The following ZNF16 variants were observed in gnomAD, a reference collection of about 807,000 sequenced individuals.
The protein encoded by ZNF16 is zinc finger protein KOX9.
Under a neutral mutation model 9.0 loss-of-function variants are expected in ZNF16, and 7 were observed. The observed-to-expected ratio is 0.78, with a 90% CI of 0.44 to 1.47. ZNF16 has a LOEUF of 1.47. ZNF16 is among the 40% of genes most tolerant of loss of function. The pLI, the probability that ZNF16 is intolerant of heterozygous loss-of-function variation, is 0.01. For synonymous variants in ZNF16, 312 were observed against 301.5 expected (o/e 1.03, Z -0.36); for missense variants, 830 against 854.2 (o/e 0.97, Z 0.35).
chr8:144,945,779 T>C, intron 2 of ZNF16: 1 of 738,064 alleles, frequency 1.4e-6, no homozygotes, highest in Non-Finnish European at 2.0e-6. Flanking sequence ...CTGGTGGCCA[T>C]CATGTCATAC....
chr8:144,946,276 C>T, intron 1 of ZNF16, 61 bp from the exon 2 acceptor site: 1 of 1,384,364 alleles, frequency 7.2e-7, no homozygotes, highest in South Asian at 1.9e-5. Flanking sequence ...GATTCATCCT[C>T]CCATCAGGCC....
chr8:144,949,268 A>G (rs1834033073), intron 1 of ZNF16, among the ~76,000 whole-genome samples: 1 of 152,160 alleles, frequency 6.6e-6, no homozygotes, highest in Non-Finnish European at 1.5e-5. Context: ...CCTCCTCCAC[A>G]CGCAGAGCGA....
intron 1 of ZNF16, among the ~76,000 whole-genome samples, chr8:144,947,182 C>G (rs1376294953): frequency 7.1e-6 from 1 of 140,364 alleles, no homozygotes; most frequent in African/African-American, 2.9e-5. Context: ...GGCCTGTGTC[C>G]TGCTGTGGGC....
intron 2 of ZNF16, among the ~76,000 whole-genome samples, chr8:144,935,066 C>T (rs557216111): frequency 2.6e-5 from 4 of 151,964 alleles, no homozygotes; most frequent in Admixed American, 6.6e-5. Flanking sequence ...GAATTCTGTA[C>T]GTGAGAAGGG....
Position 144,930,923 on chromosome 8 carries a change from T to C in ZNF16, c.1864A>G (p.Ile622Val), listed in dbSNP as rs1318996182. 2 of 1,613,050 alleles carry C rather than the reference T, an allele frequency of 1.2e-6. No individual in the cohort carries two copies. Among genetic ancestry groups the C allele is most frequent in the Non-Finnish European group, 1.7e-6 (2 of 1,179,438 alleles). The change falls in exon 3 of 3, where the codon ATC (isoleucine) becomes GTC (valine). Residue 622 changes from isoleucine (I) to valine (V), a missense_variant. By Grantham distance (29) the Ile-to-Val change is conservative (BLOSUM62 3). Coordinates refer to ENST00000394909, the MANE Select transcript of ZNF16 (RefSeq NM_006958.3). ...QSSHLIQHQI[I>V]HTGERPYKCS... ...TTGTAGGGGCGCTCGCCCGTGTGGA[T>C]TATCTGATGCTGAATGAGGTGTGAG...
rs1159173640 is a variant in ZNF16, at chr8:144,932,419, C to A, written c.368G>T (p.Gly123Val). ...VSERDWGVPE[G>V]RRLPQSLSQE... Reference sequence around the variant, plus strand: ...GGAGAGGGACTGTGGCAGCCTCCTGCCTTCGGGGACTCCCCAGTCTCTTTC... The same window carrying A: ...GGAGAGGGACTGTGGCAGCCTCCTGACTTCGGGGACTCCCCAGTCTCTTTC... The change falls in exon 3 of 3, where the codon GGC becomes GTC. Residue 123 changes from glycine to valine, a missense_variant. Coordinates refer to ENST00000394909, the MANE Select transcript of ZNF16 (RefSeq NM_006958.3). The surrounding 1 kb of genome is among the most constrained non-coding windows in gnomAD (Gnocchi z 5.0). 2 of 1,614,200 alleles carry A rather than the reference C, an allele frequency of 1.2e-6. No individual in the cohort carries two copies. Among genetic ancestry groups the A allele is most frequent in the East Asian group, 4.5e-5 (2 of 44,880 alleles).
rs201974769 is a variant in ZNF16, at chr8:144,945,989, C to A, written c.196+22G>T. On this transcript the variant is annotated intron_variant, in intron 2 of 2. Transcript: ENST00000394909. ...CACTTCCCCAGAATAAGGGCACCAG[C>A]GGAGAACTGTTCTTAAAGTACCTGG... The A allele has an allele frequency of 6.8e-6, 11 of 1,612,380 alleles. No homozygotes were observed. The African/African-American group carries it at 1.2e-4, about 18-fold the overall frequency.
Position 144,930,907 on chromosome 8 carries a change from C to T in ZNF16, c.1880G>A (p.Arg627His), listed in dbSNP as rs374314171. ...IQHQIIHTGE[R>H]PYKCSECGKA... ...CCCACACTCACTGCATTTGTAGGGG[C>T]GCTCGCCCGTGTGGATTATCTGATG... Residue 627 changes from arginine (R) to histidine (H), a missense_variant, in exon 3 of 3, where the codon CGC becomes CAC. By Grantham distance (29) the Arg-to-His change is conservative (BLOSUM62 0). Coordinates refer to ENST00000394909, the MANE Select transcript of ZNF16 (RefSeq NM_006958.3). 2.4e-5 allele frequency: 38 copies of T among 1,608,106 alleles called. No individual in the cohort carries two copies. Among genetic ancestry groups the T allele is most frequent in the African/African-American group, 5.3e-5 (4 of 74,776 alleles).
rs1833494487 is a variant in ZNF16, at chr8:144,930,440, C to T, written c.*298G>A. 3.0e-6 allele frequency: 1 copy of T among 329,382 alleles called. No homozygotes were observed. Among genetic ancestry groups the T allele is most frequent in the African/African-American group, 2.1e-5 (1 of 47,182 alleles). 20.4% of individuals were successfully genotyped at this position (329,382 alleles called of 1,614,324 possible). A position where few individuals can be genotyped will look rare whatever the true frequency, so the allele number is the denominator to read the frequency against. On this transcript the variant is annotated 3_prime_UTR_variant, in exon 3 of 3. Transcript: ENST00000394909. ...GGTAACTTTTCATTATAATAATAAACTCTATTCATGAATATGCAGCCTCCA... is the reference window on the plus strand; with the variant it reads ...GGTAACTTTTCATTATAATAATAAATTCTATTCATGAATATGCAGCCTCCA...
At chr8:144,936,499 A>G (rs1833684938) in intron 2 of ZNF16, among the ~76,000 whole-genome samples, 1 of 152,160 alleles carries the variant, frequency 6.6e-6, no homozygotes, top group Admixed American at 6.5e-5. Context: ...GCCATTTTAC[A>G]TTCCAGCCAG....
rs777992805 is a variant in ZNF16, at chr8:144,931,178, G to A, written c.1609C>T (p.Arg537Ter). 1.2e-5 allele frequency: 20 copies of A among 1,603,166 alleles called. No homozygotes were observed. Among genetic ancestry groups the A allele is most frequent in the African/African-American group, 2.8e-5 (2 of 72,382 alleles). ...GRSSNLILHQ[R>*]VHTGEKPYEC... ...TAGGGCTTCTCTCCAGTGTGGACTC[G>A]CTGGTGAAGGATGAGGTTGGAGCTG... is the stretch of plus-strand genomic sequence containing the variant. The change falls in exon 3 of 3, where the codon CGA becomes TGA. Residue 537 changes from arginine (R) to a stop codon, truncating the protein, a stop_gained. Transcript: ENST00000394909. LOFTEE classifies it high-confidence loss of function.
chr8:144,946,176 C>T lies in ZNF16; in HGVS notation c.31G>A (p.Ala11Thr), dbSNP rs772030432. ...CCTGGAACTGAGAGCTCCATCTCTGCCTCCTCACGGCGAGTTCTGAGGCTG... is the reference window on the plus strand; with the variant it reads ...CCTGGAACTGAGAGCTCCATCTCTGTCTCCTCACGGCGAGTTCTGAGGCTG... MPSLRTRREEAEMELSVPGPS... is the reference protein window; with the variant it reads MPSLRTRREETEMELSVPGPS... Residue 11 changes from alanine to threonine, a missense_variant, in exon 2 of 3, where the codon GCA (alanine) becomes ACA (threonine). By Grantham distance (58) the Ala-to-Thr change is moderately conservative (BLOSUM62 0). Transcript: ENST00000394909. 1.1e-5 allele frequency: 17 copies of T among 1,542,060 alleles called. No homozygotes were observed. Among genetic ancestry groups the T allele is most frequent in the Non-Finnish European group, 1.5e-5 (17 of 1,137,624 alleles).
rs983144174 is a variant in ZNF16, at chr8:144,930,375, T to C, written c.*363A>G. The C allele has an allele frequency of 5.1e-6, 1 of 196,710 alleles. No individual in the cohort carries two copies. The highest frequency in any genetic ancestry group is 2.3e-5 in the African/African-American group (1 of 42,964). The allele number at this position is 196,710 out of a possible 1,614,324, so 12.2% of individuals were successfully genotyped here. A position where few individuals can be genotyped will look rare whatever the true frequency, so the allele number is the denominator to read the frequency against. On this transcript the variant is annotated 3_prime_UTR_variant, in exon 3 of 3. Transcript: ENST00000394909. ...ACAACTCATTACCAATCAAACAAAC[T>C]ACTATGGTTATCTCAAACCAAACGT...
At position 144,946,325 on chromosome 8, in the gene ZNF16, GAGGGCCTGGTGCTGC is replaced by G. The variant is rs1451849142; in HGVS notation, c.-9-125_-9-111del. On this transcript the variant is annotated intron_variant, in intron 1 of 2. Transcript: ENST00000394909. The stretch of plus-strand genomic sequence containing the variant: ...CCACCCCTGCAGCCCAAGACCTGAA[GAGGGCCTGGTGCTGC>G]CAGGTCTCAGGGGCTGATGCTGTGT... 64 of 1,093,440 alleles carry G rather than the reference GAGGGCCTGGTGCTGC, an allele frequency of 5.9e-5. 1 individual carries two copies. Among genetic ancestry groups the G allele is most frequent in the Non-Finnish European group, 7.6e-5 (62 of 819,588 alleles). The allele number at this position is 1,093,440 out of a possible 1,614,324, so 67.7% of individuals were successfully genotyped here.
At chr8:144,948,180 C>T (rs1452628559) in intron 1 of ZNF16, 1 of 152,268 alleles carries the variant, frequency 6.6e-6, no homozygotes, top group African/African-American at 2.4e-5. Context: ...GAGATATGAA[C>T]AGAGCTCACA....
At chr8:144,937,137 C>CTTTTTTTTTTTTTT in intron 2 of ZNF16, among the ~76,000 whole-genome samples, 1 of 113,024 alleles carries the variant, frequency 8.8e-6, no homozygotes, top group South Asian at 2.9e-4. Flanking sequence ...CACTTTCTTT[C>CTTTTTTTTTTTTTT]TCTCTCTTTT....
At chr8:144,950,508 G>A (rs534460502) in intron 1 of ZNF16, 33 of 152,376 alleles carry the variant, frequency 2.2e-4, no homozygotes, top group African/African-American at 7.9e-4. Context: ...ACCAGCCTGT[G>A]GGCGGAGTCC....
At chr8:144,948,638 A>C (rs1586962609) in intron 1 of ZNF16, 2 of 152,358 alleles carry the variant, frequency 1.3e-5, no homozygotes, top group Admixed American at 1.3e-4. Flanking sequence ...ACATCCACAC[A>C]GTTTCCCTTG....
chr8:144,934,718 C>T (rs1189915951), intron 2 of ZNF16, among the ~76,000 whole-genome samples: 2 of 152,022 alleles, frequency 1.3e-5, no homozygotes, highest in African/African-American at 4.8e-5. Flanking sequence ...GAGAAGTGAC[C>T]CAAGGAAGGA....
Sources: allele counts gnomAD v4.1 joint callset (sites outside exome capture counted in the v4.1 genomes callset), GRCh38; gene constraint gnomAD v4.1.1; non-coding constraint Gnocchi (gnomAD v3.1); transcripts MANE v1.5; gene names NCBI Gene and HGNC (gene_info 2026-07-23, HGNC 2026-07-21).